Variants in TFAP4 observed in about 807,000 individuals in gnomAD.
TFAP4 encodes the protein activating enhancer-binding protein 4.
TFAP4 carries 7 observed loss-of-function variants against 40.4 expected under a neutral mutation model. The ratio of observed to expected loss-of-function variants is 0.17; its 90% CI spans 0.10 to 0.33. The LOEUF is 0.33. Ranked by LOEUF, TFAP4 falls within the 10% of genes least tolerant of loss-of-function variation. The pLI is 1.00. For missense variants in TFAP4, 374 were observed against 451.1 expected (o/e 0.83, Z 1.55); for synonymous variants, 218 against 181.4 (o/e 1.20, Z -1.62).
In TFAP4 at chr16:4,262,483, T is replaced by C. The variant is rs986696860; in HGVS notation, c.255+53A>G. On this transcript the variant is annotated intron_variant, in intron 2 of 6. Coordinates refer to ENST00000204517, the MANE Select transcript of TFAP4 (RefSeq NM_003223.3). ...GTGTTTACCAGAGCTCACTTTCCTC[T>C]CCCAGCGGGAACCTGCCGGCTCCTC... is the stretch of plus-strand genomic sequence containing the variant. 1.3e-5 allele frequency: 21 copies of C among 1,613,368 alleles called. No homozygotes were observed. In the Admixed American group the frequency reaches 2.5e-4, roughly 19 times the overall value.
intron 6 of TFAP4, among the ~76,000 whole-genome samples, chr16:4,259,110 A>T (rs2052923699): frequency 6.6e-6 from 1 of 152,048 alleles, no homozygotes; most frequent in African/African-American, 2.4e-5. Flanking sequence ...AAAAAAAAGA[A>T]ATAATATGGA....
Position 4,257,849 on chromosome 16 carries a change from A to ACGCTCTG in TFAP4, c.*199_*205dup. On this transcript the variant is annotated 3_prime_UTR_variant, in exon 7 of 7. Transcript: ENST00000204517. The stretch of plus-strand genomic sequence containing the variant: ...CGCCCTGGGGTGCCGATGCTCCCAC[A>ACGCTCTG]CGCTCTGCGACACCCCAGCCCCGGG... The ACGCTCTG allele has an allele frequency of 1.8e-6, 1 of 563,496 alleles. No individual in the cohort carries two copies. Among genetic ancestry groups the ACGCTCTG allele is most frequent in the Middle Eastern group, 4.9e-4 (1 of 2,054 alleles). The allele number at this position is 563,496 out of a possible 1,614,324, so 34.9% of individuals were successfully genotyped here. A position where few individuals can be genotyped will look rare whatever the true frequency, so the allele number is the denominator to read the frequency against.
chr16:4,261,088 C>T (rs951546781), intron 4 of TFAP4, among the ~76,000 whole-genome samples: 1 of 152,174 alleles, frequency 6.6e-6, no homozygotes, highest in African/African-American at 2.4e-5. Flanking sequence ...CCCAGCTCAG[C>T]CTCCTGAGTA....
At position 4,272,830 on chromosome 16, in the gene TFAP4, C is replaced by T; in HGVS notation, c.-84G>A. ...GATGGAAATCCGAATCAAAGGGCAG[C>T]GCCGGACGGAGGTGCAGAATCGGCC... is the stretch of plus-strand genomic sequence containing the variant. On this transcript the variant is annotated 5_prime_UTR_variant, in exon 1 of 7. Transcript: ENST00000204517. 1 of 1,232,778 alleles carries T rather than the reference C, an allele frequency of 8.1e-7. No individual in the cohort carries two copies. The highest frequency in any genetic ancestry group is 1.1e-6 in the Non-Finnish European group (1 of 910,228). The allele number at this position is 1,232,778 out of a possible 1,614,324, so 76.4% of individuals were successfully genotyped here. A position where few individuals can be genotyped will look rare whatever the true frequency, so the allele number is the denominator to read the frequency against.
chr16:4,258,039 A>T lies in TFAP4; in HGVS notation c.*16T>A, dbSNP rs1371969801. 6.9e-6 allele frequency: 11 copies of T among 1,604,860 alleles called. No individual in the cohort carries two copies. The highest frequency in any genetic ancestry group is 9.3e-6 in the Non-Finnish European group (11 of 1,177,252). The stretch of plus-strand genomic sequence containing the variant: ...CCCTCCAGCCCCCAGAAGGGAGAGG[A>T]GGGCTGGGGGGGTAGTCAGGGAAGC... On this transcript the variant is annotated 3_prime_UTR_variant, in exon 7 of 7. Transcript: ENST00000204517.
chr16:4,272,057 C>G (rs1169237584), intron 1 of TFAP4, among the ~76,000 whole-genome samples: 1 of 151,394 alleles, frequency 6.6e-6, no homozygotes, highest in African/African-American at 2.4e-5. Context: ...CCGCGGCGCC[C>G]CTACCGGCCG....
At chr16:4,270,176 C>CA (rs548015250) in intron 1 of TFAP4, among the ~76,000 whole-genome samples, 3,988 of 142,482 alleles carry the variant, frequency 0.028, 147 homozygotes, top group Admixed American at 0.1. Flanking sequence ...GACTCCGTCT[C>CA]AAAAAAAAAA....
intron 1 of TFAP4, among the ~76,000 whole-genome samples, chr16:4,268,679 C>T (rs2053016835): frequency 6.6e-6 from 1 of 152,138 alleles, no homozygotes; most frequent in Admixed American, 6.6e-5. Context: ...GTAGCCTCAA[C>T]TTCTTGGGCC....
Position 4,262,528 on chromosome 16 carries a change from T to C in TFAP4, c.255+8A>G, listed in dbSNP as rs202101705. 1.9e-6 allele frequency: 3 copies of C among 1,612,652 alleles called. No homozygotes were observed. Among genetic ancestry groups the C allele is most frequent in the Non-Finnish European group, 2.5e-6 (3 of 1,180,022 alleles). On this transcript the variant is annotated splice_region_variant and intron_variant, in intron 2 of 6. Coordinates refer to ENST00000204517, the MANE Select transcript of TFAP4 (RefSeq NM_003223.3). ...CTCCTCCAGGAAGCCCTCCCTGCTCTCACCCACCTTGCTGAGCTTCTCTCC... is the reference window on the plus strand; with the variant it reads ...CTCCTCCAGGAAGCCCTCCCTGCTCCCACCCACCTTGCTGAGCTTCTCTCC...
In TFAP4 at chr16:4,272,854, C is replaced by T; in HGVS notation, c.-108G>A. On this transcript the variant is annotated 5_prime_UTR_variant, in exon 1 of 7. Coordinates refer to ENST00000204517, the MANE Select transcript of TFAP4 (RefSeq NM_003223.3). ...GCGCCGGACGGAGGTGCAGAATCGG[C>T]CGGTCCCAGATGCTGGCGGCGGCGG... 1.4e-6 allele frequency: 1 copy of T among 715,508 alleles called. No individual in the cohort carries two copies. The highest frequency in any genetic ancestry group is 1.9e-6 in the Non-Finnish European group (1 of 512,960). 44.3% of individuals were successfully genotyped at this position (715,508 alleles called of 1,614,324 possible). A position where few individuals can be genotyped will look rare whatever the true frequency, so the allele number is the denominator to read the frequency against.
In TFAP4 at chr16:4,260,675, T is replaced by C. The variant is rs972747689; in HGVS notation, c.526-80A>G. 8.2e-6 allele frequency: 12 copies of C among 1,467,274 alleles called. No individual in the cohort carries two copies. The African/African-American group carries it at 1.6e-4, about 19-fold the overall frequency. The allele number at this position is 1,467,274 out of a possible 1,614,324, so 90.9% of individuals were successfully genotyped here. On this transcript the variant is annotated intron_variant, in intron 4 of 6. Coordinates refer to ENST00000204517, the MANE Select transcript of TFAP4 (RefSeq NM_003223.3). ...GTCAGTCTCACAGCAGCTCATTCAC[T>C]CCTGCTGAAAACCCTAGCACAGGGC...
intron 1 of TFAP4, among the ~76,000 whole-genome samples, chr16:4,271,195 GACCCCCGGGGC>G (rs1048977244): frequency 1.3e-5 from 2 of 152,252 alleles, no homozygotes; most frequent in African/African-American, 4.8e-5. Context: ...TTAAGGTGGG[GACCCCCGGGGC>G]AGAGGGTTGG....
In TFAP4 at chr16:4,262,893, C is replaced by G. The variant is rs981848655; in HGVS notation, c.90-192G>C. 8.0e-6 allele frequency: 5 copies of G among 621,916 alleles called. No individual in the cohort carries two copies. In the African/African-American group the frequency reaches 9.2e-5, roughly 11 times the overall value. 38.5% of individuals were successfully genotyped at this position (621,916 alleles called of 1,614,324 possible). On this transcript the variant is annotated intron_variant, in intron 1 of 6. Coordinates refer to ENST00000204517, the MANE Select transcript of TFAP4 (RefSeq NM_003223.3). ...CTGGCTGCGGGTAAGATAGTCCGCT[C>G]AGAACCCACCCCGGGCCAGGCACAG...
intron 1 of TFAP4, among the ~76,000 whole-genome samples, chr16:4,269,528 G>A (rs1231026546): frequency 7.0e-6 from 1 of 143,018 alleles, no homozygotes; most frequent in African/African-American, 2.6e-5. Flanking sequence ...TACAGATGGA[G>A]AGTCCGGGCA....
chr16:4,258,038 G>A lies in TFAP4; in HGVS notation c.*17C>T. The A allele has an allele frequency of 1.2e-6, 2 of 1,605,706 alleles. No individual in the cohort carries two copies. The highest frequency in any genetic ancestry group is 1.7e-6 in the Non-Finnish European group (2 of 1,177,652). On this transcript the variant is annotated 3_prime_UTR_variant, in exon 7 of 7. Coordinates refer to ENST00000204517, the MANE Select transcript of TFAP4 (RefSeq NM_003223.3). ...TCCCTCCAGCCCCCAGAAGGGAGAGGAGGGCTGGGGGGGTAGTCAGGGAAG... is the reference window on the plus strand; with the variant it reads ...TCCCTCCAGCCCCCAGAAGGGAGAGAAGGGCTGGGGGGGTAGTCAGGGAAG...
intron 1 of TFAP4, among the ~76,000 whole-genome samples, chr16:4,271,523 T>A (rs1454166794): frequency 6.6e-6 from 1 of 152,220 alleles, no homozygotes; most frequent in African/African-American, 2.4e-5. Context: ...TCCAGGCATG[T>A]GCATTTTAAG....
intron 1 of TFAP4, chr16:4,262,982 T>C: frequency 2.3e-6 from 1 of 441,324 alleles, no homozygotes; most frequent in East Asian, 4.4e-5. Context: ...GAGATCAGCC[T>C]AGGCAACGTA....
At position 4,260,224 on chromosome 16, in the gene TFAP4, T is replaced by TGGGGCCACTAACAGGGGGGGTGGGGGGGG; in HGVS notation, c.687_688insCCCCCCCCACCCCCCCTGTTAGTGGCCCC (p.Thr230ProfsTer16). ...GGCACGATCACCGTGGGGTGGTGGG[T>TGGGGCCACTAACAGGGGGGGTGGGGGGGG]GGGGGCCGGAGGGGGCAGAAGCTGC... On this transcript the variant is annotated frameshift_variant, in exon 6 of 7. Coordinates refer to ENST00000204517, the MANE Select transcript of TFAP4 (RefSeq NM_003223.3). LOFTEE classifies it high-confidence loss of function. 1 of 223,764 alleles carries TGGGGCCACTAACAGGGGGGGTGGGGGGGG rather than the reference T, an allele frequency of 4.5e-6. No homozygotes were observed. 13.9% of individuals were successfully genotyped at this position (223,764 alleles called of 1,614,324 possible). A position where few individuals can be genotyped will look rare whatever the true frequency, so the allele number is the denominator to read the frequency against.
intron 1 of TFAP4, 104 bp from the exon 2 acceptor site, chr16:4,262,805 C>G (rs1452639069): frequency 7.7e-7 from 1 of 1,302,248 alleles, no homozygotes; most frequent in Non-Finnish European, 1.1e-6. Context: ...GCAAAAGATG[C>G]CAGGCCACCC....
Sources: gnomAD v4.1 joint callset for allele counts (sites outside exome capture counted in the v4.1 genomes callset) on GRCh38, gnomAD v4.1.1 for gene constraint, MANE v1.5 for transcripts, NCBI Gene and HGNC (gene_info 2026-07-23, HGNC 2026-07-21) for gene names.